PHF20: variants seen among roughly 807,000 people sequenced by gnomAD.
The protein encoded by PHF20 is PHD finger protein 20.
In PHF20, 23 loss-of-function variants were observed where a neutral mutation model predicts 113.5. The ratio of observed to expected loss-of-function variants is 0.20; its 90% CI spans 0.15 to 0.29. PHF20 has a LOEUF of 0.29. PHF20 is among the 10% of genes least tolerant of loss of function. The probability of loss-of-function intolerance (pLI) is 1.00; values close to 1 mark genes in which losing one functional copy is unlikely to be tolerated. For synonymous variants in PHF20, 434 were observed against 457.3 expected, an observed-to-expected ratio of 0.95 and a Z score of 0.65; for missense variants, 943 against 1,219.6, an observed-to-expected ratio of 0.77 and a Z score of 3.38.
At chr20:35,867,348 C>G (rs1448769773) in intron 6 of PHF20, among the ~76,000 whole-genome samples, 2 of 152,144 alleles carry the variant, frequency 1.3e-5, no homozygotes, top group Non-Finnish European at 2.9e-5. Flanking sequence ...TAACCACCGC[C>G]TCCTGGGTTC....
intron 2 of PHF20, among the ~76,000 whole-genome samples, chr20:35,806,882 G>A (rs758679913): frequency 1.4e-5 from 2 of 140,794 alleles, no homozygotes; most frequent in African/African-American, 2.6e-5. Context: ...TGCAAGCTCC[G>A]CCTCCCGGGT....
intron 4 of PHF20, chr20:35,849,587 G>GGTCA: frequency 2.2e-6 from 1 of 456,202 alleles, no homozygotes; most frequent in East Asian, 7.0e-5. Flanking sequence ...TAGAGCTGAT[G>GGTCA]GTCAGTTTGT....
At chr20:35,891,912 C>T (rs2054872803) in intron 9 of PHF20, among the ~76,000 whole-genome samples, 1 of 151,656 alleles carries the variant, frequency 6.6e-6, no homozygotes, top group South Asian at 2.1e-4. Flanking sequence ...ACTGTGTTGC[C>T]CAGGCTGGAG....
At chr20:35,808,248 C>CT (rs1281296360) in intron 2 of PHF20, among the ~76,000 whole-genome samples, 1 of 152,100 alleles carries the variant, frequency 6.6e-6, no homozygotes, top group African/African-American at 2.4e-5. Context: ...TCCTTCCTTA[C>CT]TTTTTTTCTT....
At chr20:35,855,648 C>G (rs1263105760) in intron 4 of PHF20, 1 of 151,950 alleles carries the variant, frequency 6.6e-6, no homozygotes, top group Non-Finnish European at 1.5e-5. Context: ...TTGTTACAAA[C>G]AATCCAATTA....
At chr20:35,941,163 C>T (rs770430606) in intron 17 of PHF20, 116 bp downstream of exon 17, 12 of 747,224 alleles carry the variant, frequency 1.6e-5, no homozygotes, top group Non-Finnish European at 2.6e-5. Context: ...CTTTGCTTCT[C>T]TTCTTTTCAG....
intron 1 of PHF20, among the ~76,000 whole-genome samples, chr20:35,798,155 C>CT (rs1342113025): frequency 1.3e-5 from 2 of 152,110 alleles, no homozygotes; most frequent in African/African-American, 4.8e-5. Context: ...GCTCATGCCT[C>CT]TAATTCCAGC....
intron 1 of PHF20, among the ~76,000 whole-genome samples, chr20:35,777,217 C>T (rs931469599): frequency 3.9e-5 from 6 of 152,166 alleles, no homozygotes; most frequent in African/African-American, 1.4e-4. Flanking sequence ...CCCGTATTTA[C>T]TTGTCAGTTC....
rs73095510 is a variant in PHF20 at position 35,796,629 on chromosome 20, T to C, written c.-32-4862T>C. ...AAAAATTAGGTATTTCTGCTTGTTA[T>C]ATAATGGTGTGATAATTTTGACACA... On this transcript the variant is annotated intron_variant, in intron 1 of 17. Transcript: ENST00000374012. 7.5e-3 allele frequency among the ~76,000 whole-genome samples: 1,136 copies of C among 152,330 alleles called. 7 individuals are homozygous for C. The highest frequency in any genetic ancestry group is 0.011 in the Non-Finnish European group (737 of 68,020).
At chr20:35,903,464 C>A (rs1179155513) in intron 10 of PHF20, among the ~76,000 whole-genome samples, 1 of 152,028 alleles carries the variant, frequency 6.6e-6, no homozygotes, top group Non-Finnish European at 1.5e-5. Context: ...ACTGTTTGAT[C>A]ATTTCTGTAC....
At chr20:35,920,221 G>A (rs1568767809) in intron 13 of PHF20, among the ~76,000 whole-genome samples, 2 of 152,154 alleles carry the variant, frequency 1.3e-5, no homozygotes, top group Admixed American at 6.5e-5. Flanking sequence ...GAATCACGTG[G>A]TATGTATCTT....
chr20:35,890,386 A>G (rs1281452322), intron 9 of PHF20, among the ~76,000 whole-genome samples: 2 of 152,194 alleles, frequency 1.3e-5, no homozygotes, highest in Non-Finnish European at 2.9e-5. Context: ...TCCTATTGTG[A>G]TTTTATTAAT....
intron 6 of PHF20, among the ~76,000 whole-genome samples, chr20:35,865,661 C>T (rs2054307968): frequency 6.6e-6 from 1 of 151,694 alleles, no homozygotes; most frequent in Non-Finnish European, 1.5e-5. Context: ...TGCCACCATG[C>T]CCAGCTAATT....
intron 10 of PHF20, among the ~76,000 whole-genome samples, chr20:35,903,021 C>CT (rs370237613): frequency 0.034 from 3,067 of 91,446 alleles, 41 homozygotes; most frequent in Middle Eastern, 0.074. Flanking sequence ...TTTCTTTTTT[C>CT]TTTTTTTTTT....
chr20:35,872,979 A>G, intron 9 of PHF20, among the ~76,000 whole-genome samples: 1 of 152,090 alleles, frequency 6.6e-6, no homozygotes, highest in African/African-American at 2.4e-5. Context: ...AGTTCTGTCA[A>G]TTTCTAAGAG....
chr20:35,778,278 T>G (rs2041215637), intron 1 of PHF20, among the ~76,000 whole-genome samples: 1 of 151,982 alleles, frequency 6.6e-6, no homozygotes, highest in Admixed American at 6.6e-5. Context: ...AGAGACAAGG[T>G]TTCACTATGT....
Position 35,784,568 on chromosome 20 carries a change from C to G in PHF20, c.-33+12489C>G, listed in dbSNP as rs536234152. On this transcript the variant is annotated intron_variant, in intron 1 of 17. Coordinates refer to ENST00000374012, the MANE Select transcript of PHF20 (RefSeq NM_016436.5). Reference sequence around the variant, plus strand: ...TCTCCTGCCTCAGCCTGCCAAGTAGCTGGGAATACAGGCGTGTGCCACTAT... The same window carrying G: ...TCTCCTGCCTCAGCCTGCCAAGTAGGTGGGAATACAGGCGTGTGCCACTAT... Among the ~76,000 whole-genome samples the G allele has an allele frequency of 2.0e-5, 3 of 151,306 alleles. No homozygotes were observed. In the Admixed American group the frequency reaches 2.0e-4, roughly 10 times the overall value.
intron 17 of PHF20, 130 bp from the exon 18 acceptor site, chr20:35,947,353 CCA>C: frequency 1.2e-6 from 1 of 827,536 alleles, no homozygotes; most frequent in Non-Finnish European, 1.8e-6. Flanking sequence ...CTCCCTTGCC[CCA>C]TGGAGGCTGA....
intron 1 of PHF20, among the ~76,000 whole-genome samples, chr20:35,785,456 G>A (rs1238216533): frequency 6.6e-6 from 1 of 151,790 alleles, no homozygotes; most frequent in African/African-American, 2.4e-5. Context: ...AGTAGGTGGT[G>A]CTACGGGCTC....
Sources: allele counts gnomAD v4.1 joint callset (sites outside exome capture counted in the v4.1 genomes callset), GRCh38; gene constraint gnomAD v4.1.1; transcripts MANE v1.5; gene names NCBI Gene and HGNC (gene_info 2026-07-23, HGNC 2026-07-21).